Variants in FCHSD1 observed in about 807,000 individuals in gnomAD.
The protein encoded by FCHSD1 is F-BAR and double SH3 domains protein 1.
A neutral mutation model predicts 101.3 loss-of-function variants in FCHSD1; 109 were observed. The ratio of observed to expected loss-of-function variants is 1.08; its 90% CI spans 0.92 to 1.26. The LOEUF (loss-of-function observed/expected upper bound fraction) is 1.26. Ranked by LOEUF, FCHSD1 falls within the 50% of genes most tolerant of loss-of-function variation. The pLI is 0.00. For synonymous variants in FCHSD1, 291 were observed against 356.8 expected (o/e 0.82, Z 2.08); for missense variants, 820 against 895.8 (o/e 0.92, Z 1.08).
At chr5:141,651,170 T>A (rs2154598541) in intron 1 of FCHSD1, 53 bp from the exon 2 acceptor site, 3 of 1,305,842 alleles carry the variant, frequency 2.3e-6, no homozygotes, top group Non-Finnish European at 2.1e-6. Flanking sequence ...TAAAAAACAC[T>A]CCGCGCAGGG....
chr5:141,646,798 A>C, intron 10 of FCHSD1, 76 bp from the exon 11 acceptor site: 1 of 1,544,718 alleles, frequency 6.5e-7, no homozygotes, highest in Non-Finnish European at 8.7e-7. Context: ...TTTCCACTCT[A>C]TCTTGACCTC....
chr5:141,639,347 G>C lies in FCHSD1; in HGVS notation c.*2151C>G. On this transcript the variant is annotated 3_prime_UTR_variant, in exon 20 of 20. Transcript: ENST00000435817. The surrounding 1 kb of genome is among the most constrained non-coding windows in gnomAD (Gnocchi z 4.4). ...TATTAGATAAAGACAAGAAAAAATG[G>C]GGCTTGGGGAAATTGGGGCTTCTGG... 1 of 772,898 alleles carries C rather than the reference G, an allele frequency of 1.3e-6. No individual in the cohort carries two copies. The highest frequency in any genetic ancestry group is 2.1e-6 in the Non-Finnish European group (1 of 487,730). 47.9% of individuals were successfully genotyped at this position (772,898 alleles called of 1,614,324 possible).
rs1169960799 is a variant in FCHSD1 at position 141,644,856 on chromosome 5, C to A, written c.1524+3G>T. On this transcript the variant is annotated splice_donor_region_variant and intron_variant, in intron 15 of 19. Coordinates refer to ENST00000435817, the MANE Select transcript of FCHSD1 (RefSeq NM_033449.3). ...AGGTCAGAGCCCGGGGTCCCATACCCACCTTGACCCATTCGTCAGCATCTC... is the reference window on the plus strand; with the variant it reads ...AGGTCAGAGCCCGGGGTCCCATACCAACCTTGACCCATTCGTCAGCATCTC... 1.2e-6 allele frequency: 2 copies of A among 1,613,502 alleles called. No individual in the cohort carries two copies. Among genetic ancestry groups the A allele is most frequent in the Non-Finnish European group, 1.7e-6 (2 of 1,179,762 alleles).
rs755971201 is a variant in FCHSD1, at chr5:141,645,084, G to C, written c.1376C>G (p.Pro459Arg). Residue 459 changes from proline to arginine, a missense_variant, in exon 14 of 20, where the codon CCT becomes CGT. Transcript: ENST00000435817. ...CCTCGTGGCCAGGGCTTGGGGGGCA[G>C]GCTCCTCAAAGAGCTCTCCCGTCTC... ...CEETGELFEE[P>R]APQALATRAL... 7.6e-6 allele frequency: 12 copies of C among 1,588,922 alleles called. No homozygotes were observed. In the South Asian group the frequency reaches 8.0e-5, roughly 11 times the overall value.
At chr5:141,643,860 AAAG>A (rs1225126762) in intron 17 of FCHSD1, among the ~76,000 whole-genome samples, 6 of 152,024 alleles carry the variant, frequency 3.9e-5, no homozygotes, top group South Asian at 4.1e-4. Flanking sequence ...AAAAAAAAAA[AAAG>A]AAGAAGGCTT....
At chr5:141,643,162 T>G in intron 17 of FCHSD1, 74 bp from the exon 18 acceptor site, 1 of 1,168,832 alleles carries the variant, frequency 8.6e-7, no homozygotes, top group Non-Finnish European at 1.2e-6. Flanking sequence ...TCATCCCATC[T>G]CCAGTTCCTT....
chr5:141,646,080 G>GC lies in FCHSD1; in HGVS notation c.1149+6dup, dbSNP rs1562388445. On this transcript the variant is annotated splice_region_variant and intron_variant, in intron 12 of 19. Transcript: ENST00000435817. ...GTGGGATCTCTAACCTCAGGGGTGT[G>GC]CCTCACCTGTGCCCGGCGGATGCTC... The GC allele has an allele frequency of 2.5e-6, 4 of 1,606,104 alleles. No homozygotes were observed. The Admixed American group carries it at 6.8e-5, about 27-fold the overall frequency.
At chr5:141,644,816 A>T in intron 15 of FCHSD1, 43 bp downstream of exon 15, 1 of 1,607,514 alleles carries the variant, frequency 6.2e-7, no homozygotes, top group East Asian at 2.2e-5. Flanking sequence ...AGTCCCTCCT[A>T]CTGCCCCCAA....
rs1024561283 is a variant in FCHSD1 at position 141,647,818 on chromosome 5, G to C, written c.705+150C>G. 8.6e-5 allele frequency: 104 copies of C among 1,204,188 alleles called. 1 individual carries two copies. The highest frequency in any genetic ancestry group is 4.2e-4 in the Middle Eastern group (2 of 4,780). The allele number at this position is 1,204,188 out of a possible 1,614,324, so 74.6% of individuals were successfully genotyped here. ...TGTACAATGCCATGCAGCCAGCTAG[G>C]AGCAGAACCAGAGTGCATGTATGTA... On this transcript the variant is annotated intron_variant, in intron 8 of 19. Transcript: ENST00000435817.
At chr5:141,641,862 G>C in intron 18 of FCHSD1, 105 bp from the exon 19 acceptor site, 1 of 1,166,392 alleles carries the variant, frequency 8.6e-7, no homozygotes, top group Non-Finnish European at 1.3e-6. Flanking sequence ...TAAATTAATG[G>C]TCACCATCCT....
chr5:141,641,799 G>A (rs1267268880), intron 18 of FCHSD1, 42 bp from the exon 19 acceptor site: 2 of 1,597,802 alleles, frequency 1.3e-6, no homozygotes, highest in African/African-American at 1.3e-5. Flanking sequence ...ACTTTGTTTT[G>A]TTCAATGCTG....
chr5:141,643,186 C>G, intron 17 of FCHSD1, 98 bp from the exon 18 acceptor site: 1 of 978,866 alleles, frequency 1.0e-6, no homozygotes, highest in Non-Finnish European at 1.4e-6. Flanking sequence ...CATCACTTCT[C>G]AATACAGGAA....
At position 141,645,075 on chromosome 5, in the gene FCHSD1, T is replaced by C; in HGVS notation, c.1385A>G (p.Gln462Arg). Residue 462 changes from glutamine to arginine, a missense_variant, in exon 14 of 20, where the codon CAA (glutamine) becomes CGA (arginine). By Grantham distance (43) the Gln-to-Arg change is conservative. Coordinates refer to ENST00000435817, the MANE Select transcript of FCHSD1 (RefSeq NM_033449.3). ...GGGGAGGGCCCTCGTGGCCAGGGCTTGGGGGGCAGGCTCCTCAAAGAGCTC... is the reference window on the plus strand; with the variant it reads ...GGGGAGGGCCCTCGTGGCCAGGGCTCGGGGGGCAGGCTCCTCAAAGAGCTC... ...TGELFEEPAP[Q>R]ALATRALPCP... The C allele has an allele frequency of 1.3e-6, 2 of 1,591,848 alleles. No homozygotes were observed. Among genetic ancestry groups the C allele is most frequent in the Non-Finnish European group, 8.6e-7 (1 of 1,167,292 alleles).
In FCHSD1 at chr5:141,649,760, CTGT is replaced by C; in HGVS notation, c.233+124_233+126del. The C allele has an allele frequency of 8.1e-7, 1 of 1,239,382 alleles. No homozygotes were observed. The highest frequency in any genetic ancestry group is 1.5e-5 in the African/African-American group (1 of 65,570). The allele number at this position is 1,239,382 out of a possible 1,614,324, so 76.8% of individuals were successfully genotyped here. ...TGCTGGGTCAGCTCCTCTGCTGCTGCTGTGTCAGCTCTACCTACAGCTCACGTG... is the reference window on the plus strand; with the variant it reads ...TGCTGGGTCAGCTCCTCTGCTGCTGCGTCAGCTCTACCTACAGCTCACGTG... On this transcript the variant is annotated intron_variant, in intron 4 of 19. Transcript: ENST00000435817. This position sits in a 1 kb window ranked among gnomAD's most constrained non-coding sequence, Gnocchi z 4.1.
Position 141,651,385 on chromosome 5 carries a change from C to A in FCHSD1, c.-17G>T. The A allele has an allele frequency of 1.9e-6, 3 of 1,552,074 alleles. No individual in the cohort carries two copies. Among genetic ancestry groups the A allele is most frequent in the Non-Finnish European group, 2.6e-6 (3 of 1,147,470 alleles). Reference sequence around the variant, plus strand: ...CGGCTGCATCTCCGCTCCAGCAAGGCGGTCAGCCACTGGACTCCGGAACTG... The same window carrying A: ...CGGCTGCATCTCCGCTCCAGCAAGGAGGTCAGCCACTGGACTCCGGAACTG... On this transcript the variant is annotated 5_prime_UTR_variant, in exon 1 of 20. Coordinates refer to ENST00000435817, the MANE Select transcript of FCHSD1 (RefSeq NM_033449.3).
chr5:141,649,886 C>T lies in FCHSD1; in HGVS notation c.233+1G>A. 6.5e-7 allele frequency: 1 copy of T among 1,549,198 alleles called. No homozygotes were observed. The highest frequency in any genetic ancestry group is 8.7e-7 in the Non-Finnish European group (1 of 1,146,888). Reference sequence around the variant, plus strand: ...TGGCCCTCCCCCTCCATAGGGCCCACCTGCTGTCCATCTCACCGCTCCGGT... The same window carrying T: ...TGGCCCTCCCCCTCCATAGGGCCCATCTGCTGTCCATCTCACCGCTCCGGT... On this transcript the variant is annotated splice_donor_variant, in intron 4 of 19. Coordinates refer to ENST00000435817, the MANE Select transcript of FCHSD1 (RefSeq NM_033449.3). LOFTEE classifies it high-confidence loss of function. This position sits in a 1 kb window ranked among gnomAD's most constrained non-coding sequence, Gnocchi z 4.1.
At position 141,649,993 on chromosome 5, in the gene FCHSD1, A is replaced by T; in HGVS notation, c.166-39T>A. The T allele has an allele frequency of 6.6e-7, 1 of 1,516,364 alleles. No individual in the cohort carries two copies. Among genetic ancestry groups the T allele is most frequent in the Non-Finnish European group, 8.8e-7 (1 of 1,132,138 alleles). The allele number at this position is 1,516,364 out of a possible 1,614,324, so 93.9% of individuals were successfully genotyped here. ...CATCACAGAACCAAGTTCCCTTTCA[A>T]AGACCCACCCCAACTGGCAGAATAT... On this transcript the variant is annotated intron_variant, in intron 3 of 19. Coordinates refer to ENST00000435817, the MANE Select transcript of FCHSD1 (RefSeq NM_033449.3). This position sits in a 1 kb window ranked among gnomAD's most constrained non-coding sequence, Gnocchi z 4.1.
In FCHSD1 at chr5:141,641,753, T is replaced by A. The variant is rs1466370151; in HGVS notation, c.1956A>T (p.Lys652Asn). 6.2e-7 allele frequency: 1 copy of A among 1,614,038 alleles called. No individual in the cohort carries two copies. The highest frequency in any genetic ancestry group is 8.5e-7 in the Non-Finnish European group (1 of 1,179,894). The change falls in exon 19 of 20, where the codon AAA becomes AAT. Residue 652 changes from lysine (K) to asparagine (N), a missense_variant. Transcript: ENST00000435817. ...GPPAPVLPGD[K>N]ALDFPGFLDM... ...CCAGGAACCCAGGGAAGTCCAGGGC[T>A]TTGTCTGGAAATAAGAACCACAAGT...
chr5:141,640,686 T>G lies in FCHSD1; in HGVS notation c.*812A>C, dbSNP rs1444057941. On this transcript the variant is annotated 3_prime_UTR_variant, in exon 20 of 20. Transcript: ENST00000435817. ...CTTCTCCAAGTCTCCTTCATTGTGC[T>G]GATGGACTACCAGCTGGCAGGGCCA... 4 of 1,535,184 alleles carry G rather than the reference T, an allele frequency of 2.6e-6. No homozygotes were observed. In the African/African-American group the frequency reaches 5.5e-5, roughly 21 times the overall value.
Sources: allele counts gnomAD v4.1 joint callset (sites outside exome capture counted in the v4.1 genomes callset), GRCh38; gene constraint gnomAD v4.1.1; non-coding constraint Gnocchi (gnomAD v3.1); transcripts MANE v1.5; gene names NCBI Gene and HGNC (gene_info 2026-07-23, HGNC 2026-07-21).